The following RUVBL2 variants were observed in gnomAD, a reference collection of about 807,000 sequenced individuals.
RUVBL2 encodes ruvB-like 2.
Under a neutral mutation model 57.9 loss-of-function variants are expected in RUVBL2, and 9 were observed. The ratio of observed to expected loss-of-function variants is 0.16; its 90% CI spans 0.09 to 0.27. RUVBL2 has a LOEUF of 0.27. Ranked by LOEUF, RUVBL2 falls within the 10% of genes least tolerant of loss-of-function variation. RUVBL2 has a pLI of 1.00. For missense variants in RUVBL2, 456 were observed against 669.6 expected, an observed-to-expected ratio of 0.68 and a Z score of 3.52; for synonymous variants, 278 against 264.6, an observed-to-expected ratio of 1.05 and a Z score of -0.49.
intron 4 of RUVBL2, among the ~76,000 whole-genome samples, chr19:49,006,577 C>T (rs1480392439): frequency 6.6e-6 from 1 of 152,226 alleles, no homozygotes; most frequent in African/African-American, 2.4e-5. Context: ...GATCCCACGG[C>T]GCCACCTGCA....
In RUVBL2 at chr19:49,006,882, C is replaced by G. The variant is rs546203723; in HGVS notation, c.266-136C>G. The G allele has an allele frequency of 7.4e-5, 86 of 1,169,036 alleles. No homozygotes were observed. In the African/African-American group the frequency reaches 1.2e-3, roughly 17 times the overall value. 72.4% of individuals were successfully genotyped at this position (1,169,036 alleles called of 1,614,324 possible). A position where few individuals can be genotyped will look rare whatever the true frequency, so the allele number is the denominator to read the frequency against. ...CCCCTCCCCAGCGCTCTGCTCAGCT[C>G]GGAGCCAAGTCCTTACATGTAGGAT... On this transcript the variant is annotated intron_variant, in intron 4 of 14. Coordinates refer to ENST00000595090, the MANE Select transcript of RUVBL2 (RefSeq NM_006666.3).
At chr19:49,004,115 C>CAA (rs74182026) in intron 3 of RUVBL2, 162 bp from the exon 4 acceptor site, 21,715 of 283,914 alleles carry the variant, frequency 0.076, 915 homozygotes, top group African/African-American at 0.09. Flanking sequence ...GATCTTGTCT[C>CAA]AAAAAAAAAA....
chr19:49,003,538 C>A (rs1245335958), intron 3 of RUVBL2, among the ~76,000 whole-genome samples: 2 of 152,288 alleles, frequency 1.3e-5, no homozygotes, highest in South Asian at 4.1e-4. Flanking sequence ...GTAATCTCAG[C>A]ACTTTGGGAG....
chr19:49,015,622 G>C lies in RUVBL2; in HGVS notation c.1302G>C (p.Leu434=), dbSNP rs369063862. Residue 434 remains leucine, a synonymous_variant, in exon 14 of 15, where the codon CTG becomes CTC. Transcript: ENST00000595090. ...TCAAGCGGGTCTACTCACTCTTCCT[G>C]GACGAGTCCCGCTCCACGCAGTACA... ...DDIKRVYSLF[L]DESRSTQYMK... The C allele has an allele frequency of 6.3e-5, 102 of 1,614,000 alleles. No homozygotes were observed. Among genetic ancestry groups the C allele is most frequent in the Non-Finnish European group, 8.1e-5 (96 of 1,180,022 alleles).
At chr19:49,004,524 C>A in intron 4 of RUVBL2, 106 bp downstream of exon 4, 2 of 1,135,928 alleles carry the variant, frequency 1.8e-6, no homozygotes, top group Non-Finnish European at 2.5e-6. Context: ...CCCAAAATGG[C>A]AGTGGCTTAA....
Position 48,993,920 on chromosome 19 carries a change from C to T in RUVBL2, c.9C>T (p.Thr3=), listed in dbSNP as rs768098444. 43 of 1,613,920 alleles carry T rather than the reference C, an allele frequency of 2.7e-5. No individual in the cohort carries two copies. The highest frequency in any genetic ancestry group is 1.3e-4 in the Admixed American group (8 of 59,980). MA[T]VTATTKVPEI... ...GGCAGTTGGTGAGCATCATGGCAAC[C>T]GTTGTAAGTGTGGGTGCATGGAGGG... Residue 3 remains threonine (T), a synonymous_variant, in exon 1 of 15, where the codon ACC becomes ACT. Coordinates refer to ENST00000595090, the MANE Select transcript of RUVBL2 (RefSeq NM_006666.3).
chr19:49,014,770 G>A lies in RUVBL2; in HGVS notation c.1121+167G>A, dbSNP rs78815531. 8.5e-3 allele frequency among the ~76,000 whole-genome samples: 1,297 copies of A among 152,324 alleles called. 27 individuals carry two copies. The highest frequency in any genetic ancestry group is 0.029 in the African/African-American group (1,219 of 41,566). On this transcript the variant is annotated intron_variant, in intron 12 of 14. Coordinates refer to ENST00000595090, the MANE Select transcript of RUVBL2 (RefSeq NM_006666.3). ...CCTCCGATCCGGGAGCAGGAGCCAC[G>A]GTGGGAAAGGGAGGCGAGGTACCCG...
chr19:49,014,568 C>T lies in RUVBL2; in HGVS notation c.1086C>T (p.Tyr362=). Residue 362 remains tyrosine (Y), a synonymous_variant, in exon 12 of 15, where the codon TAC becomes TAT. Coordinates refer to ENST00000595090, the MANE Select transcript of RUVBL2 (RefSeq NM_006666.3). The stretch of plus-strand genomic sequence containing the variant: ...TGCTTATCGTCTCCACCACCCCCTA[C>T]AGCGAGAAAGACACGAAGCAGATCC... ...DRLLIVSTTP[Y]SEKDTKQILR... 1.9e-6 allele frequency: 3 copies of T among 1,614,150 alleles called. No homozygotes were observed. Among genetic ancestry groups the T allele is most frequent in the South Asian group, 1.1e-5 (1 of 91,086 alleles).
At chr19:48,999,437 C>G in intron 2 of RUVBL2, 64 bp downstream of exon 2, 1 of 1,543,744 alleles carries the variant, frequency 6.5e-7, no homozygotes, top group Non-Finnish European at 9.0e-7. Context: ...ACAGAGCAAA[C>G]CTATTGAGGA....
At chr19:49,007,663 G>C (rs1198640573) in intron 6 of RUVBL2, among the ~76,000 whole-genome samples, 4 of 152,032 alleles carry the variant, frequency 2.6e-5, no homozygotes, top group Non-Finnish European at 4.4e-5. Context: ...TGGCCGAAAG[G>C]CATGTCCTGT....
upstream of RUVBL2, chr19:48,993,656 G>A: frequency 3.4e-6 from 2 of 593,600 alleles, no homozygotes; most frequent in Non-Finnish European, 6.0e-6. Context: ...GGCCTGAGCG[G>A]GGCGGTGGTG....
At chr19:48,996,525 TG>T (rs2039064939) in intron 1 of RUVBL2, among the ~76,000 whole-genome samples, 1 of 151,200 alleles carries the variant, frequency 6.6e-6, no homozygotes, top group Non-Finnish European at 1.5e-5. Flanking sequence ...TGTGTGTGTG[TG>T]TGTGTGTGTG....
chr19:49,010,717 C>A, intron 9 of RUVBL2, 106 bp downstream of exon 9: 1 of 1,492,240 alleles, frequency 6.7e-7, no homozygotes, highest in Non-Finnish European at 9.1e-7. Flanking sequence ...CTGCTCCACG[C>A]TGTTTCCTGT....
intron 4 of RUVBL2, among the ~76,000 whole-genome samples, chr19:49,005,880 C>T (rs370347029): frequency 1.3e-5 from 2 of 152,188 alleles, no homozygotes; most frequent in African/African-American, 4.8e-5. Context: ...AGGTGATCCA[C>T]CCCCCTGCCT....
chr19:49,013,531 C>T (rs967267264), intron 11 of RUVBL2, among the ~76,000 whole-genome samples: 24 of 152,244 alleles, frequency 1.6e-4, no homozygotes, highest in African/African-American at 5.3e-4. Flanking sequence ...ACAGACGCTT[C>T]GCTGAGCCCA....
chr19:48,993,520 G>A (rs570684741), upstream of RUVBL2: 1,551 of 438,428 alleles, frequency 3.5e-3, 39 homozygotes, highest in South Asian at 0.033. Context: ...GGAAACGAGT[G>A]GCCTTCAGCT....
chr19:49,008,264 G>A (rs1389471519), intron 6 of RUVBL2, among the ~76,000 whole-genome samples: 1 of 145,994 alleles, frequency 6.8e-6, no homozygotes, highest in Non-Finnish European at 1.5e-5. Context: ...TTTTTGAGAT[G>A]GAGTCTTGCT....
At chr19:49,010,467 T>TGGCCCCCCCCCCC in intron 8 of RUVBL2, 21 bp from the exon 9 acceptor site, 2 of 1,401,206 alleles carry the variant, frequency 1.4e-6, no homozygotes, top group Non-Finnish European at 2.0e-6. Context: ...CCGCCGTTCT[T>TGGCCCCCCCCCCC]CCCCCACCCC....
chr19:48,995,986 CAAA>C (rs562564350), intron 1 of RUVBL2, among the ~76,000 whole-genome samples: 7 of 83,662 alleles, frequency 8.4e-5, no homozygotes, highest in Non-Finnish European at 9.9e-5. Flanking sequence ...GGCTGTGTCT[CAAA>C]AAAAAAAAAA....
Sources: allele counts gnomAD v4.1 joint callset (sites outside exome capture counted in the v4.1 genomes callset), GRCh38; gene constraint gnomAD v4.1.1; transcripts MANE v1.5; gene names NCBI Gene and HGNC (gene_info 2026-07-23, HGNC 2026-07-21).